The following FAM185A variants were observed in gnomAD, a reference collection of about 807,000 sequenced individuals.
The protein encoded by FAM185A is family with sequence similarity 185 member A, also known as protein FAM185A.
Under a neutral mutation model 45.7 loss-of-function variants are expected in FAM185A, and 21 were observed. That is an observed-to-expected ratio of 0.46 (90% CI 0.33 to 0.66). The LOEUF is 0.66. FAM185A is among the 30% of genes least tolerant of loss of function. The pLI, the probability that FAM185A is intolerant of heterozygous loss-of-function variation, is 0.03. For missense variants in FAM185A, 305 were observed against 485.4 expected, an observed-to-expected ratio of 0.63 and a Z score of 3.49; for synonymous variants, 117 against 194.0, an observed-to-expected ratio of 0.60 and a Z score of 3.30.
At position 102,792,090 on chromosome 7, in the gene FAM185A, A is replaced by G. The variant is rs1796174109; in HGVS notation, c.1066+4621A>G. ...AAGCCTGGATTTTATCTGCAGCATG[A>G]CTTCTGGATAATCTCTGCAAGAAGC... On this transcript the variant is annotated intron_variant, in intron 7 of 7. Coordinates refer to ENST00000413034, the MANE Select transcript of FAM185A (RefSeq NM_001145268.2). Among the ~76,000 whole-genome samples, 7 of 129,602 alleles carry G rather than the reference A, an allele frequency of 5.4e-5. No homozygotes were observed. In the South Asian group the frequency reaches 1.8e-3, roughly 33 times the overall value. The allele number at this position is 129,602 out of a possible 152,430, so 85.0% of individuals were successfully genotyped here.
chr7:102,752,330 G>C (rs1449184364), intron 2 of FAM185A, among the ~76,000 whole-genome samples: 1 of 146,986 alleles, frequency 6.8e-6, no homozygotes, highest in Non-Finnish European at 1.5e-5. Flanking sequence ...GGAGTGCAGT[G>C]GTGCAATCTC....
chr7:102,762,413 T>C (rs1794165440), intron 4 of FAM185A, among the ~76,000 whole-genome samples: 1 of 152,222 alleles, frequency 6.6e-6, no homozygotes, highest in African/African-American at 2.4e-5. Context: ...TTCTGAAATA[T>C]ATACAGATAG....
rs373944268 is a variant in FAM185A, at chr7:102,783,519, T to C, written c.932-3816T>C. The stretch of plus-strand genomic sequence containing the variant: ...ACTCACTCAAAACCACTCAACTACA[T>C]GGCAACTGAACAACCTGCTCTTGAA... On this transcript the variant is annotated intron_variant, in intron 6 of 7. Coordinates refer to ENST00000413034, the MANE Select transcript of FAM185A (RefSeq NM_001145268.2). Among the ~76,000 whole-genome samples the C allele has an allele frequency of 9.2e-5, 14 of 152,280 alleles. No individual in the cohort carries two copies. The South Asian group carries it at 1.0e-3, about 11-fold the overall frequency.
At chr7:102,821,463 C>T in the FAM185A span, among the ~76,000 whole-genome samples, 4 of 152,218 alleles carry the variant, frequency 2.6e-5, no homozygotes, top group African/African-American at 9.6e-5. Context: ...GCCATAACTA[C>T]TTAATTAAGA....
At chr7:102,789,534 C>A (rs913370565) in intron 7 of FAM185A, among the ~76,000 whole-genome samples, 1 of 152,124 alleles carries the variant, frequency 6.6e-6, no homozygotes, top group African/African-American at 2.4e-5. Flanking sequence ...CATAGTGAAA[C>A]CCCCATTTCT....
intron 7 of FAM185A, among the ~76,000 whole-genome samples, chr7:102,798,283 A>AATT: frequency 6.6e-6 from 1 of 152,378 alleles, no homozygotes; most frequent in Admixed American, 6.5e-5. Flanking sequence ...TGTAGGAAGG[A>AATT]ATTTATAAAC....
the FAM185A span, among the ~76,000 whole-genome samples, chr7:102,818,764 GTTCCCTTTATTT>G: frequency 6.6e-6 from 1 of 152,066 alleles, no homozygotes; most frequent in Non-Finnish European, 1.5e-5. Context: ...TATATCAAAA[GTTCCCTTTATTT>G]TTTTAAAAAA....
At chr7:102,812,399 GTCTT>G (rs1797481407), downstream of FAM185A, among the ~76,000 whole-genome samples, 5 of 152,200 alleles carry the variant, frequency 3.3e-5, no homozygotes, top group South Asian at 1.0e-3. Flanking sequence ...TTAAAGAGAT[GTCTT>G]TCTGAGACAT....
the FAM185A span, among the ~76,000 whole-genome samples, chr7:102,831,251 G>A: frequency 6.6e-6 from 1 of 152,146 alleles, no homozygotes. Context: ...AGTATCTCTA[G>A]AGTAGTGGGT....
At chr7:102,778,426 G>A (rs1161080677) in intron 6 of FAM185A, among the ~76,000 whole-genome samples, 2 of 152,294 alleles carry the variant, frequency 1.3e-5, no homozygotes, top group African/African-American at 2.4e-5. Context: ...AAGATCCAAA[G>A]AGAAGAGGGA....
chr7:102,813,420 G>T (rs750850396), downstream of FAM185A: 1 of 1,614,088 alleles, frequency 6.2e-7, no homozygotes, highest in East Asian at 2.2e-5. Flanking sequence ...ATGTTATGTT[G>T]TCAAGCTCTG....
the FAM185A span, chr7:102,834,533 G>A: frequency 6.6e-6 from 1 of 150,560 alleles, no homozygotes; most frequent in South Asian, 2.1e-4. Flanking sequence ...TTTATATACT[G>A]TGTTAGTTGA....
chr7:102,826,539 C>T, the FAM185A span, among the ~76,000 whole-genome samples: 3 of 150,952 alleles, frequency 2.0e-5, no homozygotes, highest in Non-Finnish European at 4.4e-5. Flanking sequence ...AGTTTGAAAT[C>T]AGCCTGGGCA....
the FAM185A span, among the ~76,000 whole-genome samples, chr7:102,843,142 G>C: frequency 6.6e-6 from 1 of 152,176 alleles, no homozygotes; most frequent in African/African-American, 2.4e-5. Context: ...GAGAGAAGGA[G>C]TATGTTATTT....
the FAM185A span, among the ~76,000 whole-genome samples, chr7:102,825,980 AAAGT>A: frequency 6.6e-6 from 1 of 152,238 alleles, no homozygotes; most frequent in African/African-American, 2.4e-5. Flanking sequence ...TGACTAGCAT[AAAGT>A]AAGCACTCAA....
intron 4 of FAM185A, among the ~76,000 whole-genome samples, chr7:102,765,955 T>C (rs1794365543): frequency 6.6e-6 from 1 of 152,138 alleles, no homozygotes; most frequent in Non-Finnish European, 1.5e-5. Flanking sequence ...ATGAATAATA[T>C]TTTATTAAAT....
chr7:102,849,482 G>A, the FAM185A span, among the ~76,000 whole-genome samples: 6 of 152,200 alleles, frequency 3.9e-5, no homozygotes, highest in South Asian at 2.1e-4. Context: ...CTCATTAAGC[G>A]AATTATGTAG....
intron 3 of FAM185A, among the ~76,000 whole-genome samples, chr7:102,759,945 G>GA (rs1341545596): frequency 6.6e-6 from 1 of 152,060 alleles, no homozygotes; most frequent in Non-Finnish European, 1.5e-5. Context: ...CAGCAAACAG[G>GA]ATGGTGATAT....
Position 102,770,901 on chromosome 7 carries a change from T to C in FAM185A, c.794-1508T>C, listed in dbSNP as rs149107414. On this transcript the variant is annotated intron_variant, in intron 4 of 7. Transcript: ENST00000413034. ...TAAATCATTCTTCCAAAAAGACACA[T>C]GCACTCAACATATTCACTGCAGCTC... is the stretch of plus-strand genomic sequence containing the variant. 4.5e-3 allele frequency among the ~76,000 whole-genome samples: 686 copies of C among 152,312 alleles called. 5 individuals are homozygous for C. The highest frequency in any genetic ancestry group is 0.016 in the African/African-American group (657 of 41,566).
Sources: allele counts gnomAD v4.1 joint callset (sites outside exome capture counted in the v4.1 genomes callset), GRCh38; gene constraint gnomAD v4.1.1; transcripts MANE v1.5; gene names NCBI Gene and HGNC (gene_info 2026-07-23, HGNC 2026-07-21).